Variants in CSRNP3 observed in about 807,000 individuals in gnomAD.
The protein encoded by CSRNP3 is cysteine/serine-rich nuclear protein 3.
Under a neutral mutation model 48.0 loss-of-function variants are expected in CSRNP3, and 12 were observed. The ratio of observed to expected loss-of-function variants is 0.25; its 90% confidence interval spans 0.16 to 0.41. The LOEUF (loss-of-function observed/expected upper bound fraction) is 0.41. Ranked by LOEUF, CSRNP3 falls within the 10% of genes least tolerant of loss-of-function variation. CSRNP3 has a pLI of 1.00. For synonymous variants in CSRNP3, 263 were observed against 269.7 expected (o/e 0.98, Z 0.24); for missense variants, 580 against 724.4 (o/e 0.80, Z 2.29).
intron 1 of CSRNP3, among the ~76,000 whole-genome samples, chr2:165,490,686 C>G (rs1244409325): frequency 3.8e-5 from 5 of 130,860 alleles, no homozygotes; most frequent in African/African-American, 8.7e-5. Context: ...CTGAGAAAAA[C>G]AAGCAATGGG....
At chr2:165,602,818 A>G (rs1362320475) in intron 4 of CSRNP3, among the ~76,000 whole-genome samples, 9 of 152,126 alleles carry the variant, frequency 5.9e-5, no homozygotes, top group Admixed American at 5.2e-4. Context: ...TCTCCATAAA[A>G]ACTTCACCAA....
chr2:165,553,782 C>T (rs1685128786), intron 3 of CSRNP3, among the ~76,000 whole-genome samples: 2 of 152,040 alleles, frequency 1.3e-5, no homozygotes, highest in Non-Finnish European at 2.9e-5. Flanking sequence ...TGGTGGCTAC[C>T]CAAAGACACT....
rs1035283662 is a variant in CSRNP3, at chr2:165,684,812, T to C, written c.*5059T>C. 2 of 151,892 alleles carry C rather than the reference T, an allele frequency of 1.3e-5. No homozygotes were observed. Among genetic ancestry groups the C allele is most frequent in the African/African-American group, 4.8e-5 (2 of 41,386 alleles). 9.4% of individuals were successfully genotyped at this position (151,892 alleles called of 1,614,324 possible). A position where few individuals can be genotyped will look rare whatever the true frequency, so the allele number is the denominator to read the frequency against. ...TGGAAGTGAGGACGCAATAAAAGCT[T>C]AATAAGTGGTGGTGTCTTCTAGGAA... On this transcript the variant is annotated 3_prime_UTR_variant, in exon 7 of 7. Transcript: ENST00000651982.
At chr2:165,576,869 T>A (rs1160700559) in intron 3 of CSRNP3, among the ~76,000 whole-genome samples, 1 of 152,010 alleles carries the variant, frequency 6.6e-6, no homozygotes, top group African/African-American at 2.4e-5. Context: ...CTTAAAGAGA[T>A]AGTGTTATAT....
chr2:165,517,203 T>C (rs1684593290), intron 2 of CSRNP3, among the ~76,000 whole-genome samples: 2 of 152,020 alleles, frequency 1.3e-5, no homozygotes, highest in Non-Finnish European at 2.9e-5. Context: ...AAAAAGTATA[T>C]ATCATTACTG....
intron 4 of CSRNP3, among the ~76,000 whole-genome samples, chr2:165,627,814 C>T (rs757491711): frequency 1.3e-5 from 2 of 152,150 alleles, no homozygotes; most frequent in Non-Finnish European, 2.9e-5. Flanking sequence ...TCAGAGCATG[C>T]ATTTTTCTCA....
At chr2:165,635,024 A>T (rs746501147) in intron 4 of CSRNP3, among the ~76,000 whole-genome samples, 5 of 152,178 alleles carry the variant, frequency 3.3e-5, no homozygotes, top group Non-Finnish European at 7.3e-5. Context: ...TCCCAGACTT[A>T]CACTGCAGCT....
chr2:165,484,472 G>A (rs905240328), intron 1 of CSRNP3, among the ~76,000 whole-genome samples: 3 of 152,098 alleles, frequency 2.0e-5, no homozygotes, highest in Non-Finnish European at 4.4e-5. Context: ...GACTTCTAAC[G>A]TACACAACAA....
intron 4 of CSRNP3, among the ~76,000 whole-genome samples, chr2:165,639,640 A>G (rs568918791): frequency 6.6e-6 from 1 of 152,306 alleles, no homozygotes; most frequent in East Asian, 1.9e-4. Context: ...TGAGAATGAC[A>G]AAGTCAGTGT....
intron 4 of CSRNP3, among the ~76,000 whole-genome samples, chr2:165,620,911 T>C (rs767586158): frequency 2.9e-4 from 44 of 152,078 alleles, no homozygotes; most frequent in Non-Finnish European, 5.7e-4. Flanking sequence ...TTTTTATCCT[T>C]ATATATTATA....
intron 4 of CSRNP3, among the ~76,000 whole-genome samples, chr2:165,606,581 C>A (rs1573914060): frequency 6.6e-6 from 1 of 152,212 alleles, no homozygotes. Context: ...GAAGGAGGAA[C>A]TCTCCTAACA....
At chr2:165,520,567 T>A (rs1010351644) in intron 3 of CSRNP3, among the ~76,000 whole-genome samples, 1 of 151,702 alleles carries the variant, frequency 6.6e-6, no homozygotes, top group African/African-American at 2.4e-5. Flanking sequence ...GTATTGTGAT[T>A]TTTTTTCAGT....
chr2:165,504,918 T>C (rs928990137), intron 2 of CSRNP3, among the ~76,000 whole-genome samples: 12 of 152,142 alleles, frequency 7.9e-5, no homozygotes, highest in African/African-American at 2.7e-4. Context: ...GATGTTTCTG[T>C]CCTAAGGAAC....
chr2:165,674,508 A>C (rs983289480), intron 5 of CSRNP3, among the ~76,000 whole-genome samples: 2 of 151,638 alleles, frequency 1.3e-5, no homozygotes, highest in Non-Finnish European at 2.9e-5. Context: ...ATATGTAAAG[A>C]AATGCCAAGG....
At chr2:165,653,829 G>C (rs1378118771) in intron 4 of CSRNP3, among the ~76,000 whole-genome samples, 1 of 151,752 alleles carries the variant, frequency 6.6e-6, no homozygotes, top group East Asian at 1.9e-4. Flanking sequence ...AAAATTAGCT[G>C]GGCGTGGTGG....
chr2:165,591,408 T>G (rs1380742374), intron 3 of CSRNP3, among the ~76,000 whole-genome samples: 2 of 151,994 alleles, frequency 1.3e-5, no homozygotes, highest in Non-Finnish European at 2.9e-5. Flanking sequence ...TGGGGAGAAA[T>G]TCAAGCCTGG....
chr2:165,499,651 G>A (rs904029618), intron 2 of CSRNP3, among the ~76,000 whole-genome samples: 10 of 151,998 alleles, frequency 6.6e-5, no homozygotes, highest in African/African-American at 2.4e-4. Flanking sequence ...CAAAAATACT[G>A]AATTCCATTG....
rs1687671994 is a variant in CSRNP3, at chr2:165,688,818, T to C, written c.*9065T>C. On this transcript the variant is annotated 3_prime_UTR_variant, in exon 7 of 7. Coordinates refer to ENST00000651982, the MANE Select transcript of CSRNP3 (RefSeq NM_001172173.2). ...TTGCTGGCAAAAAAAAAAGTAACTTTAAAAACTCAGAAAAGCCACTGAACT... is the reference window on the plus strand; with the variant it reads ...TTGCTGGCAAAAAAAAAAGTAACTTCAAAAACTCAGAAAAGCCACTGAACT... The C allele has an allele frequency of 6.6e-6, 1 of 152,142 alleles. No individual in the cohort carries two copies. Among genetic ancestry groups the C allele is most frequent in the African/African-American group, 2.4e-5 (1 of 41,458 alleles). The allele number at this position is 152,142 out of a possible 1,614,324, so 9.4% of individuals were successfully genotyped here. A position where few individuals can be genotyped will look rare whatever the true frequency, so the allele number is the denominator to read the frequency against.
intron 1 of CSRNP3, among the ~76,000 whole-genome samples, chr2:165,479,735 A>G (rs1027354976): frequency 2.6e-5 from 4 of 152,012 alleles, no homozygotes; most frequent in African/African-American, 9.7e-5. Flanking sequence ...AAATCAAAAA[A>G]ATTAGTCAGG....
Sources: gnomAD v4.1 joint callset for allele counts (sites outside exome capture counted in the v4.1 genomes callset) on GRCh38, gnomAD v4.1.1 for gene constraint, MANE v1.5 for transcripts, NCBI Gene and HGNC (gene_info 2026-07-23, HGNC 2026-07-21) for gene names.